Variants in JPH3 observed in about 807,000 individuals in gnomAD.
JPH3 encodes junctophilin-3.
JPH3 carries 11 observed loss-of-function variants against 59.6 expected under a neutral mutation model. The ratio of observed to expected loss-of-function variants is 0.18; its 90% confidence interval spans 0.12 to 0.31. JPH3 has a LOEUF of 0.31. Ranked by LOEUF, JPH3 falls within the 10% of genes least tolerant of loss-of-function variation. The pLI is 1.00. For missense variants in JPH3, 1,202 were observed against 1,105.7 expected (o/e 1.09, Z -1.24); for synonymous variants, 673 against 483.6 (o/e 1.39, Z -5.14).
chr16:87,691,406 C>T (rs1015102329), intron 4 of JPH3, among the ~76,000 whole-genome samples: 1 of 152,222 alleles, frequency 6.6e-6, no homozygotes, highest in Non-Finnish European at 1.5e-5. Context: ...CCAGGCAGTG[C>T]GTGGTGCTGA....
rs546164179 is a variant in JPH3, at chr16:87,623,599, CT to C, written c.382+20073del. ...TCCCCAACAAAACAACCTCTATTTC[CT>C]TCTGTGAACCCCTTGGGAGCTGCAG... On this transcript the variant is annotated intron_variant, in intron 1 of 4. Coordinates refer to ENST00000284262, the MANE Select transcript of JPH3 (RefSeq NM_020655.4). 1.8e-3 allele frequency among the ~76,000 whole-genome samples: 280 copies of C among 152,328 alleles called. 1 individual carries two copies. Among genetic ancestry groups the C allele is most frequent in the African/African-American group, 5.2e-3 (216 of 41,564 alleles).
intron 1 of JPH3, 72 bp from the exon 2 acceptor site, chr16:87,644,186 A>C (rs1597256922): frequency 6.8e-7 from 1 of 1,478,908 alleles, no homozygotes; most frequent in African/African-American, 1.4e-5. Flanking sequence ...GGCTGCTTCA[A>C]CCCTGTCCGT....
At chr16:87,655,196 T>A (rs2032454912) in intron 2 of JPH3, among the ~76,000 whole-genome samples, 1 of 152,098 alleles carries the variant, frequency 6.6e-6, no homozygotes, top group Non-Finnish European at 1.5e-5. Flanking sequence ...TCCTGGGCCT[T>A]CCCGCCACCC....
chr16:87,607,447 G>A (rs999941729), intron 1 of JPH3, among the ~76,000 whole-genome samples: 21 of 152,242 alleles, frequency 1.4e-4, no homozygotes, highest in African/African-American at 4.8e-4. Flanking sequence ...AGGCGCCTGC[G>A]CACACACACG....
Position 87,603,186 on chromosome 16 carries a change from T to G in JPH3, c.40T>G (p.Ser14Ala). The G allele has an allele frequency of 6.2e-7, 1 of 1,613,784 alleles. No individual in the cohort carries two copies. The highest frequency in any genetic ancestry group is 8.5e-7 in the Non-Finnish European group (1 of 1,179,880). The change falls in exon 1 of 5, where the codon TCC becomes GCC. Residue 14 changes from serine to alanine, a missense_variant. By Grantham distance (99) the Ser-to-Ala change is moderately conservative. Transcript: ENST00000284262. ...GGRFNFDDGG[S>A]YCGGWEDGKA... ...CAGGTTTAATTTTGACGACGGAGGG[T>G]CCTACTGTGGAGGCTGGGAGGACGG...
chr16:87,603,299 C>G lies in JPH3; in HGVS notation c.153C>G (p.Gly51=). 6.2e-7 allele frequency: 1 copy of G among 1,613,386 alleles called. No individual in the cohort carries two copies. Among genetic ancestry groups the G allele is most frequent in the African/African-American group, 1.3e-5 (1 of 75,040 alleles). The change falls in exon 1 of 5, where the codon GGC becomes GGG. Residue 51 remains glycine (G), a synonymous_variant. Transcript: ENST00000284262. The part of the protein sequence containing the change: ...GSWSHGFEVL[G]VYTWPSGNTY... ...GGAGCCACGGCTTCGAGGTGCTGGG[C>G]GTCTACACCTGGCCCAGCGGCAACA...
intron 1 of JPH3, among the ~76,000 whole-genome samples, chr16:87,625,305 T>C (rs562709279): frequency 6.6e-6 from 1 of 152,264 alleles, no homozygotes; most frequent in South Asian, 2.1e-4. Context: ...CAGTCGGTGC[T>C]GGGCAGGTGG....
intron 2 of JPH3, among the ~76,000 whole-genome samples, chr16:87,648,481 G>T (rs368460315): frequency 6.6e-6 from 1 of 152,172 alleles, no homozygotes; most frequent in African/African-American, 2.4e-5. Context: ...CGGCCGGCAG[G>T]GCTTGTCAGG....
At chr16:87,621,113 C>T (rs530273840) in intron 1 of JPH3, among the ~76,000 whole-genome samples, 7 of 152,328 alleles carry the variant, frequency 4.6e-5, no homozygotes, top group African/African-American at 9.6e-5. Context: ...GAGCCGAAAT[C>T]GTGCCACTGC....
At chr16:87,633,111 A>T (rs2031617298) in intron 1 of JPH3, among the ~76,000 whole-genome samples, 1 of 152,154 alleles carries the variant, frequency 6.6e-6, no homozygotes, top group African/African-American at 2.4e-5. Context: ...CTGCCATCAC[A>T]AAATACCACA....
intron 1 of JPH3, among the ~76,000 whole-genome samples, chr16:87,632,454 C>T (rs1474385627): frequency 1.3e-5 from 2 of 152,100 alleles, no homozygotes; most frequent in East Asian, 1.9e-4. Flanking sequence ...CTTGGTTTGT[C>T]CTAACTTTAA....
In JPH3 at chr16:87,629,424, T is replaced by G. The variant is rs1260930911; in HGVS notation, c.383-14834T>G. 3.0e-5 allele frequency among the ~76,000 whole-genome samples: 3 copies of G among 101,426 alleles called. No homozygotes were observed. The East Asian group carries it at 8.0e-4, about 27-fold the overall frequency. The allele number at this position is 101,426 out of a possible 152,430, so 66.5% of individuals were successfully genotyped here. A position where few individuals can be genotyped will look rare whatever the true frequency, so the allele number is the denominator to read the frequency against. ...TTTGGTCCATCCCATCTTTGTGGGT[T>G]TTTTTTTTTTTAATTTGGATGTGAA... On this transcript the variant is annotated intron_variant, in intron 1 of 4. Transcript: ENST00000284262.
intron 4 of JPH3, among the ~76,000 whole-genome samples, chr16:87,691,248 C>A (rs1386871736): frequency 6.6e-6 from 1 of 151,238 alleles, no homozygotes; most frequent in Non-Finnish European, 1.5e-5. Flanking sequence ...CTTGAAGGGA[C>A]CTTCACTCTG....
chr16:87,675,528 C>T (rs1017799988), intron 2 of JPH3, among the ~76,000 whole-genome samples: 13 of 152,182 alleles, frequency 8.5e-5, no homozygotes, highest in East Asian at 1.9e-4. Context: ...CTGCTGCAGC[C>T]GGAGGCTGCC....
In JPH3 at chr16:87,691,094, C is replaced by G. The variant is rs534580241; in HGVS notation, c.2166+568C>G. 1.2e-4 allele frequency among the ~76,000 whole-genome samples: 18 copies of G among 151,254 alleles called. No homozygotes were observed. In the East Asian group the frequency reaches 1.4e-3, roughly 11 times the overall value. On this transcript the variant is annotated intron_variant, in intron 4 of 4. Transcript: ENST00000284262. ...CGTCAGCCTCACCCAGCACCCCCCCCCCAAATTCGTTCCTCCAGGGCAGGC... is the reference window on the plus strand; with the variant it reads ...CGTCAGCCTCACCCAGCACCCCCCCGCCAAATTCGTTCCTCCAGGGCAGGC...
chr16:87,680,515 C>G (rs1157383439), intron 2 of JPH3, among the ~76,000 whole-genome samples: 1 of 152,232 alleles, frequency 6.6e-6, no homozygotes, highest in Non-Finnish European at 1.5e-5. Flanking sequence ...CAAGAACGAT[C>G]GCGACCTTTT....
At chr16:87,663,958 G>A (rs1212986755) in intron 2 of JPH3, among the ~76,000 whole-genome samples, 2 of 152,172 alleles carry the variant, frequency 1.3e-5, no homozygotes, top group African/African-American at 2.4e-5. Context: ...TCGAGTTGTG[G>A]TGGAATCGAC....
chr16:87,694,860 C>T lies in JPH3; in HGVS notation c.2167-1720C>T, dbSNP rs933008794. 14 of 184,598 alleles carry T rather than the reference C, an allele frequency of 7.6e-5. No individual in the cohort carries two copies. The South Asian group carries it at 1.7e-3, about 22-fold the overall frequency. 11.4% of individuals were successfully genotyped at this position (184,598 alleles called of 1,614,324 possible). A position where few individuals can be genotyped will look rare whatever the true frequency, so the allele number is the denominator to read the frequency against. On this transcript the variant is annotated intron_variant, in intron 4 of 4. Coordinates refer to ENST00000284262, the MANE Select transcript of JPH3 (RefSeq NM_020655.4). ...CGGACTCTGCTTTCTGCCTGGTGCC[C>T]AGCTTCTCACGCAGCATGCACTGCT...
chr16:87,674,291 G>A (rs372640563), intron 2 of JPH3, among the ~76,000 whole-genome samples: 6 of 152,092 alleles, frequency 3.9e-5, no homozygotes, highest in African/African-American at 1.2e-4. Context: ...CCGAGATCGC[G>A]CCACTGACTC....
Sources: allele counts gnomAD v4.1 joint callset (sites outside exome capture counted in the v4.1 genomes callset), GRCh38; gene constraint gnomAD v4.1.1; transcripts MANE v1.5; gene names NCBI Gene and HGNC (gene_info 2026-07-23, HGNC 2026-07-21).